Variants in TIMMDC1 observed in about 807,000 individuals in gnomAD.
TIMMDC1 encodes complex I assembly factor TIMMDC1, mitochondrial.
TIMMDC1 carries 25 observed loss-of-function variants against 32.6 expected under a neutral mutation model. That is an observed-to-expected ratio of 0.77 (90% CI 0.56 to 1.07). The LOEUF is 1.07. Among genes scored for constraint, TIMMDC1 ranks in the 50% least tolerant of loss-of-function variants. The probability of loss-of-function intolerance (pLI) is 0.00; values close to 1 mark genes in which losing one functional copy is unlikely to be tolerated. For missense variants in TIMMDC1, 329 were observed against 349.2 expected (o/e 0.94, Z 0.46); for synonymous variants, 130 against 127.6 (o/e 1.02, Z -0.13).
intron 6 of TIMMDC1, among the ~76,000 whole-genome samples, chr3:119,522,710 CAGAT>C (rs201780937): frequency 2.5e-4 from 38 of 151,960 alleles, no homozygotes; most frequent in East Asian, 1.4e-3. Flanking sequence ...AATTTTAAGA[CAGAT>C]GGATAAAAAC....
chr3:119,515,911 C>A (rs756298814), intron 5 of TIMMDC1, among the ~76,000 whole-genome samples: 11 of 152,124 alleles, frequency 7.2e-5, no homozygotes, highest in Non-Finnish European at 1.2e-4. Context: ...ACCTGTTCAC[C>A]CCTTTGTCTA....
At chr3:119,520,692 C>T (rs1325585771) in intron 6 of TIMMDC1, among the ~76,000 whole-genome samples, 15 of 152,222 alleles carry the variant, frequency 9.9e-5, no homozygotes, top group African/African-American at 4.8e-5. Flanking sequence ...CAAACTGTTC[C>T]GAAATATTGA....
At position 119,503,556 on chromosome 3, in the gene TIMMDC1, C is replaced by T. The variant is rs970547270; in HGVS notation, c.385C>T (p.Arg129Ter). The change falls in exon 3 of 7, where the codon CGA becomes TGA. Residue 129 changes from arginine (R) to a stop codon, truncating the protein, a stop_gained. Transcript: ENST00000494664. LOFTEE classifies it high-confidence loss of function. ...GCAATCTGCACATCGTGCTGCCACA[C>T]GAGGCTTCATTCGTTATGGCTGGCG... is the stretch of plus-strand genomic sequence containing the variant. ...AVQSAHRAAT[R>*]GFIRYGWRWG... 46 of 1,611,722 alleles carry T rather than the reference C, an allele frequency of 2.9e-5. No individual in the cohort carries two copies. The highest frequency in any genetic ancestry group is 6.6e-5 in the South Asian group (6 of 90,462).
At chr3:119,518,194 C>G (rs181881765) in intron 6 of TIMMDC1, among the ~76,000 whole-genome samples, 25 of 152,172 alleles carry the variant, frequency 1.6e-4, no homozygotes, top group African/African-American at 5.3e-4. Flanking sequence ...TGATAGCTGA[C>G]TTTGCACAGA....
chr3:119,504,656 A>T (rs72952922), intron 4 of TIMMDC1, among the ~76,000 whole-genome samples: 6,756 of 152,246 alleles, frequency 0.044, 464 homozygotes, highest in African/African-American at 0.15. Context: ...GAGACTGGAT[A>T]TGGGGTTGGA....
chr3:119,517,226 G>C lies in TIMMDC1; in HGVS notation c.618G>C (p.Leu206=). The change falls in exon 6 of 7, where the codon CTG becomes CTC. Residue 206 remains leucine (L), a synonymous_variant. Transcript: ENST00000494664. ...TCAGCACTCCTGTAGGAGGCCTGCTGATGGCATTTCAGAAGTACTCTGGTG... is the reference window on the plus strand; with the variant it reads ...TCAGCACTCCTGTAGGAGGCCTGCTCATGGCATTTCAGAAGTACTCTGGTG... ...ALLGTPVGGL[L]MAFQKYSGET... is the part of the protein sequence containing the mutation. 1 of 1,613,370 alleles carries C rather than the reference G, an allele frequency of 6.2e-7. No homozygotes were observed. The highest frequency in any genetic ancestry group is 8.5e-7 in the Non-Finnish European group (1 of 1,179,452).
At chr3:119,507,455 T>C (rs1401203291) in intron 4 of TIMMDC1, among the ~76,000 whole-genome samples, 2 of 152,202 alleles carry the variant, frequency 1.3e-5, no homozygotes, top group African/African-American at 4.8e-5. Context: ...TCTGTTACAG[T>C]GGGTTTTTAA....
In TIMMDC1 at chr3:119,503,870, A is replaced by G. The variant is rs888498780; in HGVS notation, c.450-84A>G. ...TGATATAGTAGGCTTTTCTAAATCT[A>G]TTAAGTCAGTGAAAATAACACTCAA... On this transcript the variant is annotated intron_variant, in intron 3 of 6. Coordinates refer to ENST00000494664, the MANE Select transcript of TIMMDC1 (RefSeq NM_016589.4). 2.1e-5 allele frequency: 26 copies of G among 1,220,810 alleles called. No individual in the cohort carries two copies. In the African/African-American group the frequency reaches 3.3e-4, roughly 16 times the overall value. The allele number at this position is 1,220,810 out of a possible 1,614,324, so 75.6% of individuals were successfully genotyped here. A position where few individuals can be genotyped will look rare whatever the true frequency, so the allele number is the denominator to read the frequency against.
At position 119,500,610 on chromosome 3, in the gene TIMMDC1, T is replaced by A. The variant is rs1164702546; in HGVS notation, c.195-85T>A. The A allele has an allele frequency of 5.8e-6, 7 of 1,210,306 alleles. No homozygotes were observed. In the African/African-American group the frequency reaches 1.1e-4, roughly 19 times the overall value. 75.0% of individuals were successfully genotyped at this position (1,210,306 alleles called of 1,614,324 possible). A position where few individuals can be genotyped will look rare whatever the true frequency, so the allele number is the denominator to read the frequency against. On this transcript the variant is annotated intron_variant, in intron 1 of 6. Coordinates refer to ENST00000494664, the MANE Select transcript of TIMMDC1 (RefSeq NM_016589.4). ...GATGAAAAATGTTGTGGTGGTAGCATTTGGGTTAATTCTGATTATAGAGTC... is the reference window on the plus strand; with the variant it reads ...GATGAAAAATGTTGTGGTGGTAGCAATTGGGTTAATTCTGATTATAGAGTC...
At chr3:119,500,095 T>A (rs542669242) in intron 1 of TIMMDC1, among the ~76,000 whole-genome samples, 26 of 152,326 alleles carry the variant, frequency 1.7e-4, no homozygotes, top group African/African-American at 6.3e-4. Flanking sequence ...TACAGTCCTA[T>A]CTGAGTATTT....
intron 6 of TIMMDC1, among the ~76,000 whole-genome samples, chr3:119,519,956 A>G (rs532996790): frequency 2.0e-5 from 3 of 152,198 alleles, no homozygotes; most frequent in Non-Finnish European, 4.4e-5. Context: ...AACAGGAAGG[A>G]CTTTGGAAAC....
chr3:119,501,655 A>T (rs895459964), intron 2 of TIMMDC1, among the ~76,000 whole-genome samples: 21 of 151,386 alleles, frequency 1.4e-4, no homozygotes, highest in Admixed American at 2.0e-4. Flanking sequence ...AAAAATAAAT[A>T]AAAAAATGTA....
chr3:119,503,279 G>C (rs2081892101), intron 2 of TIMMDC1, among the ~76,000 whole-genome samples: 2 of 152,202 alleles, frequency 1.3e-5, no homozygotes, highest in Admixed American at 1.3e-4. Context: ...CCAAGTATCA[G>C]ATAAGGGATC....
intron 4 of TIMMDC1, among the ~76,000 whole-genome samples, chr3:119,507,554 C>G (rs1352960641): frequency 6.6e-6 from 1 of 152,168 alleles, no homozygotes; most frequent in African/African-American, 2.4e-5. Flanking sequence ...TGCATGCTAT[C>G]TACTTTATCC....
intron 5 of TIMMDC1, among the ~76,000 whole-genome samples, chr3:119,515,038 AAAT>A (rs939502916): frequency 9.2e-5 from 14 of 152,082 alleles, no homozygotes; most frequent in African/African-American, 3.1e-4. Context: ...AAAAATACAA[AAAT>A]TAGCCAGGTG....
intron 2 of TIMMDC1, 149 bp from the exon 3 acceptor site, chr3:119,503,383 T>TA: frequency 5.1e-6 from 3 of 585,982 alleles, no homozygotes; most frequent in Non-Finnish European, 8.7e-6. Flanking sequence ...CCTCAATACT[T>TA]AAAGAATAGT....
At chr3:119,523,526 A>G (rs1253802139) in intron 6 of TIMMDC1, 80 bp from the exon 7 acceptor site, 1 of 1,416,840 alleles carries the variant, frequency 7.1e-7, no homozygotes, top group Non-Finnish European at 9.4e-7. Context: ...GAAAAGACAA[A>G]TGCTATCCTT....
In TIMMDC1 at chr3:119,503,965, C is replaced by G. The variant is rs1382142487; in HGVS notation, c.461C>G (p.Thr154Ser). Residue 154 changes from threonine to serine, a missense_variant, in exon 4 of 7, where the codon ACT (threonine) becomes AGT (serine). Physicochemically the swap from Thr to Ser is moderately conservative, Grantham distance 58 (BLOSUM62 1). Transcript: ENST00000494664. ...VFVTIFNTVNTSLNVYRNKDA... is the reference protein window; with the variant it reads ...VFVTIFNTVNSSLNVYRNKDA... Reference sequence around the variant, plus strand: ...TCCCTTTTTACCAGCACAGTGAACACTAGTCTGAATGTATACCGAAATAAA... The same window carrying G: ...TCCCTTTTTACCAGCACAGTGAACAGTAGTCTGAATGTATACCGAAATAAA... The G allele has an allele frequency of 6.2e-7, 1 of 1,613,186 alleles. No homozygotes were observed. Among genetic ancestry groups the G allele is most frequent in the African/African-American group, 1.3e-5 (1 of 74,894 alleles).
chr3:119,504,313 C>T (rs2081901835), intron 4 of TIMMDC1, among the ~76,000 whole-genome samples: 1 of 152,112 alleles, frequency 6.6e-6, no homozygotes, highest in Non-Finnish European at 1.5e-5. Context: ...CTCATATGGA[C>T]AGGGTAGTCA....
Sources: allele counts gnomAD v4.1 joint callset (sites outside exome capture counted in the v4.1 genomes callset), GRCh38; gene constraint gnomAD v4.1.1; transcripts MANE v1.5; gene names NCBI Gene and HGNC (gene_info 2026-07-23, HGNC 2026-07-21).